SLC25A26: variants seen among roughly 807,000 people sequenced by gnomAD.
The protein encoded by SLC25A26 is mitochondrial S-adenosylmethionine carrier protein.
Under a neutral mutation model 37.8 loss-of-function variants are expected in SLC25A26, and 36 were observed. The observed-to-expected ratio is 0.95, with a 90% CI of 0.73 to 1.26. The LOEUF is 1.26. Among genes scored for constraint, SLC25A26 ranks in the 50% most tolerant of loss-of-function variants. The probability of loss-of-function intolerance (pLI) is 0.00; values close to 1 mark genes in which losing one functional copy is unlikely to be tolerated. For missense variants in SLC25A26, 390 were observed against 331.1 expected (o/e 1.18, Z -1.38); for synonymous variants, 129 against 122.5 (o/e 1.05, Z -0.35).
At chr3:66,200,252 C>G (rs1301543317) in intron 1 of SLC25A26, among the ~76,000 whole-genome samples, 1 of 152,220 alleles carries the variant, frequency 6.6e-6, no homozygotes, top group Non-Finnish European at 1.5e-5. Context: ...AAAAGGGCCT[C>G]CTGGCTGGCC....
At chr3:66,206,462 G>T (rs1479735026) in intron 1 of SLC25A26, among the ~76,000 whole-genome samples, 1 of 152,264 alleles carries the variant, frequency 6.6e-6, no homozygotes, top group African/African-American at 2.4e-5. Context: ...GCTGGGCAAT[G>T]AAAAATCTGT....
chr3:66,229,437 A>G (rs782239380), intron 1 of SLC25A26, among the ~76,000 whole-genome samples: 2 of 152,178 alleles, frequency 1.3e-5, no homozygotes, highest in Non-Finnish European at 2.9e-5. Flanking sequence ...AGGTAATTGG[A>G]TCGTGGGGAC....
At chr3:66,312,863 G>T (rs1468982981) in intron 5 of SLC25A26, among the ~76,000 whole-genome samples, 1 of 152,100 alleles carries the variant, frequency 6.6e-6, no homozygotes, top group Non-Finnish European at 1.5e-5. Context: ...AGATGAACCG[G>T]GTACCTCAGT....
intron 5 of SLC25A26, among the ~76,000 whole-genome samples, chr3:66,303,615 A>G (rs1292304410): frequency 6.6e-6 from 1 of 152,242 alleles, no homozygotes; most frequent in Non-Finnish European, 1.5e-5. Flanking sequence ...GTCATGTAAC[A>G]TCAGGATCAC....
chr3:66,198,110 A>G (rs1246655347), intron 1 of SLC25A26, among the ~76,000 whole-genome samples: 1 of 152,078 alleles, frequency 6.6e-6, no homozygotes, highest in East Asian at 1.9e-4. Flanking sequence ...TAGGGTCAGG[A>G]AAAGTCCAGA....
intron 5 of SLC25A26, among the ~76,000 whole-genome samples, chr3:66,314,902 T>C (rs905829575): frequency 6.6e-6 from 1 of 152,046 alleles, no homozygotes; most frequent in Non-Finnish European, 1.5e-5. Context: ...TTTTCGAGTT[T>C]GTTTGCATTG....
rs569488826 is a variant in SLC25A26, at chr3:66,341,585, T to G, written c.454-4779T>G. Among the ~76,000 whole-genome samples, 7 of 152,328 alleles carry G rather than the reference T, an allele frequency of 4.6e-5. No individual in the cohort carries two copies. The South Asian group carries it at 1.4e-3, about 32-fold the overall frequency. On this transcript the variant is annotated intron_variant, in intron 5 of 9. Transcript: ENST00000354883. The stretch of plus-strand genomic sequence containing the variant: ...GAGATACTCCTAATGCCCCTGGCCT[T>G]GAAATCTGAAAGATTTACTTAACAG...
chr3:66,315,134 C>T (rs1176938078), intron 5 of SLC25A26, among the ~76,000 whole-genome samples: 1 of 133,594 alleles, frequency 7.5e-6, no homozygotes, highest in African/African-American at 2.8e-5. Context: ...CAGTTCTGCT[C>T]TGATCTTGGT....
At chr3:66,219,995 T>C (rs1394501914), upstream of SLC25A26, among the ~76,000 whole-genome samples, 1 of 152,238 alleles carries the variant, frequency 6.6e-6, no homozygotes, top group African/African-American at 2.4e-5. Flanking sequence ...TAGATCATTT[T>C]ACCTAGAAGA....
intron 3 of SLC25A26, among the ~76,000 whole-genome samples, chr3:66,243,615 T>C (rs967080346): frequency 6.6e-6 from 1 of 152,190 alleles, no homozygotes; most frequent in Admixed American, 6.5e-5. Context: ...TTGTGACAGC[T>C]TTGTATTGTG....
chr3:66,144,140 A>G (rs2070079806), intron 1 of SLC25A26, among the ~76,000 whole-genome samples: 1 of 152,152 alleles, frequency 6.6e-6, no homozygotes, highest in African/African-American at 2.4e-5. Flanking sequence ...GCTCATATTC[A>G]AGCTGAGACC....
intron 5 of SLC25A26, among the ~76,000 whole-genome samples, chr3:66,341,566 C>T (rs1017938366): frequency 6.6e-6 from 1 of 152,154 alleles, no homozygotes; most frequent in African/African-American, 2.4e-5. Context: ...TTTGGAGATA[C>T]TCCTAATGCC....
At chr3:66,192,355 T>A (rs2106793217) in intron 1 of SLC25A26, among the ~76,000 whole-genome samples, 1 of 149,090 alleles carries the variant, frequency 6.7e-6, no homozygotes, top group South Asian at 2.1e-4. Context: ...ATTGCAGAAT[T>A]TGCTCCCTCT....
intron 5 of SLC25A26, among the ~76,000 whole-genome samples, chr3:66,308,682 T>G (rs2107592005): frequency 6.6e-6 from 1 of 152,290 alleles, no homozygotes; most frequent in South Asian, 2.1e-4. Context: ...TCCATAACTA[T>G]TCCATATATT....
At chr3:66,326,748 T>A (rs867526419) in intron 5 of SLC25A26, among the ~76,000 whole-genome samples, 1 of 152,124 alleles carries the variant, frequency 6.6e-6, no homozygotes, top group Admixed American at 6.5e-5. Context: ...GAGCCCCAAA[T>A]GTGTTCATAG....
rs760611804 is a variant in SLC25A26 at position 66,362,864 on chromosome 3, TCTGGTC to T, written c.508_513del (p.Ser170_Trp171del). The T allele has an allele frequency of 2.3e-5, 36 of 1,599,708 alleles. No individual in the cohort carries two copies. In the African/African-American group the frequency reaches 4.7e-4, roughly 21 times the overall value. Reference sequence around the variant, plus strand: ...TTTCTTTCTCCTTAAACACAGGCCCTCTGGTCCTGGAGGCAGGATCATGTGGTGGAT... The same window carrying T: ...TTTCTTTCTCCTTAAACACAGGCCCTCTGGAGGCAGGATCATGTGGTGGAT... On this transcript the variant is annotated inframe_deletion, in exon 7 of 10. Transcript: ENST00000354883.
intron 5 of SLC25A26, among the ~76,000 whole-genome samples, chr3:66,298,366 TATA>T (rs2074971439): frequency 1.3e-5 from 2 of 152,246 alleles, no homozygotes. Context: ...TAAGTTTTAA[TATA>T]ATGAGAAATT....
At chr3:66,311,473 C>T (rs1319066999) in intron 5 of SLC25A26, among the ~76,000 whole-genome samples, 2 of 152,012 alleles carry the variant, frequency 1.3e-5, no homozygotes, top group Non-Finnish European at 2.9e-5. Flanking sequence ...TATTACCCAC[C>T]TTCTGAAGTG....
chr3:66,175,334 C>G (rs1246975021), intron 1 of SLC25A26, among the ~76,000 whole-genome samples: 1 of 151,892 alleles, frequency 6.6e-6, no homozygotes, highest in Non-Finnish European at 1.5e-5. Flanking sequence ...AAGTGATTCT[C>G]CTGCCTCAGC....
Sources: gnomAD v4.1 joint callset for allele counts (sites outside exome capture counted in the v4.1 genomes callset) on GRCh38, gnomAD v4.1.1 for gene constraint, MANE v1.5 for transcripts, NCBI Gene and HGNC (gene_info 2026-07-23, HGNC 2026-07-21) for gene names.